CFAP65: variants seen among roughly 807,000 people sequenced by gnomAD.
CFAP65 encodes the protein cilia and flagella associated protein 65, also known as cilia- and flagella-associated protein 65.
Under a neutral mutation model 208.0 loss-of-function variants are expected in CFAP65, and 155 were observed. The observed-to-expected ratio is 0.75, with a 90% CI of 0.65 to 0.85. The LOEUF is 0.85. Among genes scored for constraint, CFAP65 ranks in the 40% least tolerant of loss-of-function variants. The probability of loss-of-function intolerance (pLI) is 0.00; values close to 1 mark genes in which losing one functional copy is unlikely to be tolerated. For missense variants in CFAP65, 2,294 were observed against 2,451.3 expected (o/e 0.94, Z 1.36); for synonymous variants, 970 against 986.3 (o/e 0.98, Z 0.31).
intron 21 of CFAP65, among the ~76,000 whole-genome samples, chr2:219,016,881 G>A (rs1350745388): frequency 1.3e-5 from 2 of 152,194 alleles, no homozygotes; most frequent in Admixed American, 1.3e-4. Context: ...GCCCCTGCCC[G>A]CCTCCTCAGC....
intron 16 of CFAP65, among the ~76,000 whole-genome samples, chr2:219,022,790 C>T (rs1329582682): frequency 1.3e-5 from 2 of 152,216 alleles, no homozygotes; most frequent in African/African-American, 4.8e-5. Flanking sequence ...TATTTTGAAT[C>T]CCAGCCAGCA....
chr2:219,005,313 T>A, intron 32 of CFAP65, 121 bp downstream of exon 32: 3 of 1,378,428 alleles, frequency 2.2e-6, no homozygotes, highest in East Asian at 4.6e-5. Flanking sequence ...GGCAAGAACC[T>A]CCATGCCCCA....
In CFAP65 at chr2:219,022,220, G is replaced by A. The variant is rs757024749; in HGVS notation, c.2930C>T (p.Thr977Ile). The A allele has an allele frequency of 6.2e-7, 1 of 1,606,972 alleles. No individual in the cohort carries two copies. Among genetic ancestry groups the A allele is most frequent in the Non-Finnish European group, 8.5e-7 (1 of 1,177,034 alleles). Residue 977 changes from threonine (T) to isoleucine (I), a missense_variant, in exon 17 of 35, where the codon ACC (threonine) becomes ATC (isoleucine). Thr to Ile is a moderately conservative substitution (Grantham distance 89). Around this residue, in one of 2 missense-constraint regions of CFAP65, gnomAD observed 1,427 missense variants for 1,438.7 expected, o/e 0.99. Transcript: ENST00000341552. The stretch of plus-strand genomic sequence containing the variant: ...GCCCACCAGCCGGAGCATGTAGTGG[G>A]TGGTGGCAGCGGGGTTGGCATTTGG... ...LSPNANPAAT[T>I]HYMLRLVGVG...
At position 219,026,149 on chromosome 2, in the gene CFAP65, C is replaced by T. The variant is rs1366144684; in HGVS notation, c.2222G>A (p.Ser741Asn). 3 of 1,611,616 alleles carry T rather than the reference C, an allele frequency of 1.9e-6. 1 individual carries two copies. In the South Asian group the frequency reaches 3.3e-5, roughly 18 times the overall value. The change falls in exon 14 of 35, where the codon AGC becomes AAC. Residue 741 changes from serine (S) to asparagine (N), a missense_variant. By Grantham distance (46) the Ser-to-Asn change is conservative. Around this residue, in one of 2 missense-constraint regions of CFAP65, gnomAD observed 867 missense variants for 1,012.6 expected, o/e 0.86. Coordinates refer to ENST00000341552, the MANE Select transcript of CFAP65 (RefSeq NM_194302.4). ...GCAGTCCTCCTCAATATTACTGTAG[C>T]TCTGCAGGACCTGCAGAGGGGCCAG... is the stretch of plus-strand genomic sequence containing the variant. Reference protein sequence around the residue: ...EAFAIYKVLQSYSNIEEDCTM... With the variant: ...EAFAIYKVLQNYSNIEEDCTM...
chr2:219,028,043 C>A lies in CFAP65; in HGVS notation c.1852-34G>T, dbSNP rs370658316. 6.2e-5 allele frequency: 95 copies of A among 1,520,962 alleles called. No homozygotes were observed. In the South Asian group the frequency reaches 9.6e-4, roughly 15 times the overall value. The allele number at this position is 1,520,962 out of a possible 1,614,324, so 94.2% of individuals were successfully genotyped here. ...GGAAAGACAGGTGGATAGGGCTCAACTGCCATTCCTCTTGCTGTTGCCCCT... is the reference window on the plus strand; with the variant it reads ...GGAAAGACAGGTGGATAGGGCTCAAATGCCATTCCTCTTGCTGTTGCCCCT... On this transcript the variant is annotated intron_variant, in intron 12 of 34. Transcript: ENST00000341552.
intron 16 of CFAP65, 135 bp downstream of exon 16, chr2:219,023,072 C>G: frequency 2.7e-6 from 2 of 733,744 alleles, no homozygotes; most frequent in Middle Eastern, 3.7e-4. Context: ...AATAATAACA[C>G]CTCATCGCCA....
At chr2:219,011,117 T>A in intron 24 of CFAP65, 121 bp from the exon 25 acceptor site, 1 of 838,984 alleles carries the variant, frequency 1.2e-6, no homozygotes, top group Non-Finnish European at 1.8e-6. Context: ...CCTTTGAGTC[T>A]GTGAGCTCCC....
At chr2:219,033,601 C>T (rs772759161) in intron 5 of CFAP65, 3 of 152,178 alleles carry the variant, frequency 2.0e-5, no homozygotes, top group Non-Finnish European at 4.4e-5. Flanking sequence ...GAAAGACTCT[C>T]AGCAAAGCAG....
rs146427311 is a variant in CFAP65 at position 219,004,094 on chromosome 2, T to C, written c.5413A>G (p.Lys1805Glu). 1.2e-4 allele frequency: 197 copies of C among 1,613,820 alleles called. 1 individual carries two copies. In the Middle Eastern group the frequency reaches 2.3e-3, roughly 19 times the overall value. ...IEEKEEERDE[K>E]EEKVSWAGIG... ...CCCGCCCAGCTCACTTTCTCTTCCT[T>C]CTCATCCCTCTCCTCCTCCTTCTCC... The change falls in exon 33 of 35, where the codon AAG (lysine) becomes GAG (glutamate). Residue 1805 changes from lysine to glutamate, a missense_variant. Coordinates refer to ENST00000341552, the MANE Select transcript of CFAP65 (RefSeq NM_194302.4). The surrounding 1 kb of genome is among the most constrained non-coding windows in gnomAD (Gnocchi z 4.7).
At chr2:219,017,810 G>A (rs942905816) in intron 21 of CFAP65, among the ~76,000 whole-genome samples, 1 of 152,232 alleles carries the variant, frequency 6.6e-6, no homozygotes, top group African/African-American at 2.4e-5. Flanking sequence ...GCCTGGCTCC[G>A]GGCCCACTCA....
chr2:219,036,814 T>G (rs1052367046), intron 4 of CFAP65, among the ~76,000 whole-genome samples: 1 of 152,238 alleles, frequency 6.6e-6, no homozygotes, highest in Non-Finnish European at 1.5e-5. Context: ...TAGTCATTCA[T>G]TCAACAAATA....
intron 21 of CFAP65, among the ~76,000 whole-genome samples, chr2:219,016,119 T>C (rs2106140973): frequency 6.6e-6 from 1 of 152,230 alleles, no homozygotes; most frequent in African/African-American, 2.4e-5. Context: ...CTTACTTTTT[T>C]CCCATAGCTC....
At position 219,005,527 on chromosome 2, in the gene CFAP65, G is replaced by A. The variant is rs974297639; in HGVS notation, c.4958C>T (p.Ser1653Leu). Residue 1653 changes from serine (S) to leucine (L), a missense_variant, in exon 32 of 35, where the codon TCA becomes TTA. This residue lies in a region of CFAP65 where 1,427 missense variants were observed against 1,438.7 expected (regional missense o/e 0.99). Transcript: ENST00000341552. ...AGGGGATTTTTCCTCAGAAGTCTCT[G>A]ACTCTTCCCTGGGGGCCTTCCTCTT... is the stretch of plus-strand genomic sequence containing the variant. ...LPKRKAPREE[S>L]ETSEEKSPNK... The A allele has an allele frequency of 2.5e-6, 4 of 1,612,764 alleles. No homozygotes were observed. The African/African-American group carries it at 4.0e-5, about 16-fold the overall frequency.
In CFAP65 at chr2:219,003,405, T is replaced by C; in HGVS notation, c.5556-133A>G. On this transcript the variant is annotated intron_variant, in intron 33 of 34. Coordinates refer to ENST00000341552, the MANE Select transcript of CFAP65 (RefSeq NM_194302.4). This position sits in a 1 kb window ranked among gnomAD's most constrained non-coding sequence, Gnocchi z 4.4. ...TCGACTCCCCTCATCCACTACACTA[T>C]GGGGCATTCTTGTTTCAATGTTACG... 1.8e-6 allele frequency: 2 copies of C among 1,122,770 alleles called. No individual in the cohort carries two copies. Among genetic ancestry groups the C allele is most frequent in the Non-Finnish European group, 2.4e-6 (2 of 822,888 alleles). 69.6% of individuals were successfully genotyped at this position (1,122,770 alleles called of 1,614,324 possible). A position where few individuals can be genotyped will look rare whatever the true frequency, so the allele number is the denominator to read the frequency against.
chr2:219,023,138 A>G, intron 16 of CFAP65, 69 bp downstream of exon 16: 2 of 1,362,368 alleles, frequency 1.5e-6, no homozygotes, highest in Non-Finnish European at 2.1e-6. Flanking sequence ...AGTCTGGGCT[A>G]TGATAGGCAC....
At chr2:219,041,455 C>T in intron 1 of CFAP65, 33 bp downstream of exon 1, 1 of 1,550,142 alleles carries the variant, frequency 6.5e-7, no homozygotes, top group Non-Finnish European at 8.7e-7. Context: ...TCCCTGAGAC[C>T]CTGGGACCTT....
chr2:219,016,499 TG>T (rs1361474633), intron 21 of CFAP65, among the ~76,000 whole-genome samples: 1 of 152,094 alleles, frequency 6.6e-6, no homozygotes, highest in African/African-American at 2.4e-5. Context: ...TTCACCATGT[TG>T]GCCAGGCTGG....
rs901348095 is a variant in CFAP65, at chr2:219,003,007, T to A, written c.5708A>T (p.Asp1903Val). 3 of 1,559,070 alleles carry A rather than the reference T, an allele frequency of 1.9e-6. No homozygotes were observed. Among genetic ancestry groups the A allele is most frequent in the South Asian group, 1.2e-5 (1 of 84,628 alleles). Residue 1903 changes from aspartate (D) to valine (V), a missense_variant, in exon 35 of 35, where the codon GAC becomes GTC. Around this residue, in one of 2 missense-constraint regions of CFAP65, gnomAD observed 1,427 missense variants for 1,438.7 expected, o/e 0.99. Transcript: ENST00000341552. This position sits in a 1 kb window ranked among gnomAD's most constrained non-coding sequence, Gnocchi z 4.4. Reference sequence around the variant, plus strand: ...TGCTTGCTGCGTCGGCAGCAGCGTGTCCGGGGTCAGACTCCTGGAAGACAA... The same window carrying A: ...TGCTTGCTGCGTCGGCAGCAGCGTGACCGGGGTCAGACTCCTGGAAGACAA... ...PFCVPRSLTP[D>V]TLLPTQQAEV...
intron 9 of CFAP65, 145 bp downstream of exon 9, chr2:219,030,544 A>G: frequency 1.7e-5 from 19 of 1,116,720 alleles, no homozygotes; most frequent in Non-Finnish European, 2.4e-5. Flanking sequence ...GGAGAAGGAC[A>G]CACCTGTTGA....
Sources: gnomAD v4.1 joint callset for allele counts (sites outside exome capture counted in the v4.1 genomes callset) on GRCh38, gnomAD v4.1.1 for gene constraint, gnomAD v4.1.1 regional missense constraint, Gnocchi (gnomAD v3.1) non-coding constraint, MANE v1.5 for transcripts, NCBI Gene and HGNC (gene_info 2026-07-23, HGNC 2026-07-21) for gene names.